The following TXLNB variants were observed in gnomAD, a reference collection of about 807,000 sequenced individuals.
The protein encoded by TXLNB is beta-taxilin.
TXLNB carries 37 observed loss-of-function variants against 57.4 expected under a neutral mutation model. That is an observed-to-expected ratio of 0.64 (90% CI 0.50 to 0.85). TXLNB has a LOEUF of 0.85. Ranked by LOEUF, TXLNB falls within the 40% of genes least tolerant of loss-of-function variation. The pLI is 0.00. For synonymous variants in TXLNB, 302 were observed against 309.6 expected, an observed-to-expected ratio of 0.98 and a Z score of 0.26; for missense variants, 848 against 825.6, an observed-to-expected ratio of 1.03 and a Z score of -0.33.
the TXLNB span, among the ~76,000 whole-genome samples, chr6:139,181,810 T>G: frequency 6.6e-6 from 1 of 152,212 alleles, no homozygotes; most frequent in Non-Finnish European, 1.5e-5. Context: ...CTTTCTCCCT[T>G]ATGCTTTATA....
At chr6:139,197,786 C>T in the TXLNB span, 4 of 152,188 alleles carry the variant, frequency 2.6e-5, no homozygotes, top group East Asian at 1.9e-4. Context: ...CCAGCAAGTT[C>T]GGTGTCTGCT....
the TXLNB span, among the ~76,000 whole-genome samples, chr6:139,321,150 G>A: frequency 3.3e-5 from 5 of 152,200 alleles, no homozygotes; most frequent in Non-Finnish European, 7.3e-5. Flanking sequence ...GTGCCCCGGG[G>A]TTCCGTCACT....
At chr6:139,213,282 G>A in the TXLNB span, among the ~76,000 whole-genome samples, 5,436 of 152,020 alleles carry the variant, frequency 0.036, 270 homozygotes, top group African/African-American at 0.11. Flanking sequence ...ACGGTCTCTC[G>A]GACCACAGTG....
At chr6:139,203,504 C>A in the TXLNB span, 1 of 152,230 alleles carries the variant, frequency 6.6e-6, no homozygotes, top group African/African-American at 2.4e-5. Flanking sequence ...GCTGCCTACT[C>A]CCTTTTTCTT....
At chr6:139,298,080 A>G in the TXLNB span, among the ~76,000 whole-genome samples, 1 of 152,254 alleles carries the variant, frequency 6.6e-6, no homozygotes, top group South Asian at 2.1e-4. Context: ...TTTAATTTGT[A>G]CTAAAAGTGA....
chr6:139,261,236 A>T (rs1053720365), intron 5 of TXLNB, among the ~76,000 whole-genome samples: 1 of 152,160 alleles, frequency 6.6e-6, no homozygotes, highest in Non-Finnish European at 1.5e-5. Flanking sequence ...CCCATCTGAG[A>T]TCTCTCTGAA....
chr6:139,209,252 A>G, the TXLNB span, among the ~76,000 whole-genome samples: 2 of 152,174 alleles, frequency 1.3e-5, no homozygotes, highest in African/African-American at 4.8e-5. Flanking sequence ...AGGAGGTGAA[A>G]GATCTCTACA....
intron 7 of TXLNB, among the ~76,000 whole-genome samples, chr6:139,252,718 G>A (rs1008135469): frequency 7.2e-5 from 11 of 152,320 alleles, no homozygotes; most frequent in African/African-American, 1.9e-4. Flanking sequence ...TGGGCCGGGC[G>A]CAGTGGCTCA....
the TXLNB span, among the ~76,000 whole-genome samples, chr6:139,321,220 AC>A: frequency 3.3e-5 from 5 of 152,132 alleles, no homozygotes; most frequent in African/African-American, 1.2e-4. Context: ...TGTAATTCTA[AC>A]CCCCAAGATG....
the TXLNB span, among the ~76,000 whole-genome samples, chr6:139,221,600 C>G: frequency 6.6e-6 from 1 of 151,896 alleles, no homozygotes; most frequent in Non-Finnish European, 1.5e-5. Flanking sequence ...TTGCAATGAT[C>G]GGACGTGGAG....
rs565532980 is a variant in TXLNB at position 139,280,676 on chromosome 6, A to T, written c.425-3755T>A. ...AAAAGTATGCCTTTTCTCTTCCAAA[A>T]TTTTTTTTTTAGAACTTTGGGGTTA... On this transcript the variant is annotated intron_variant, in intron 2 of 9. Coordinates refer to ENST00000358430, the MANE Select transcript of TXLNB (RefSeq NM_153235.4). Among the ~76,000 whole-genome samples the T allele has an allele frequency of 4.6e-5, 7 of 150,830 alleles. No individual in the cohort carries two copies. In the South Asian group the frequency reaches 1.5e-3, roughly 32 times the overall value.
chr6:139,315,319 T>TC, the TXLNB span, among the ~76,000 whole-genome samples: 3 of 152,138 alleles, frequency 2.0e-5, no homozygotes, highest in African/African-American at 7.2e-5. Context: ...AACTCCAGTC[T>TC]CCCCCACAGC....
At chr6:139,282,938 G>A (rs1477082514) in intron 2 of TXLNB, among the ~76,000 whole-genome samples, 1 of 145,282 alleles carries the variant, frequency 6.9e-6, no homozygotes, top group Non-Finnish European at 1.5e-5. Flanking sequence ...CCCTGTGAAT[G>A]AGCTTTGTTT....
chr6:139,162,202 GC>G, the TXLNB span, among the ~76,000 whole-genome samples: 4 of 152,088 alleles, frequency 2.6e-5, no homozygotes, highest in African/African-American at 9.7e-5. Context: ...TAAGATTGGG[GC>G]CAGACCATCA....
At chr6:139,251,278 C>A (rs1358277434) in intron 7 of TXLNB, among the ~76,000 whole-genome samples, 1 of 152,194 alleles carries the variant, frequency 6.6e-6, no homozygotes, top group Non-Finnish European at 1.5e-5. Context: ...TGCAACCAAT[C>A]TCTGGAACTT....
the TXLNB span, among the ~76,000 whole-genome samples, chr6:139,212,828 C>G: frequency 6.6e-6 from 1 of 152,154 alleles, no homozygotes; most frequent in Non-Finnish European, 1.5e-5. Flanking sequence ...GGGTTGCAAT[C>G]CTAGTCTCTG....
Position 139,242,748 on chromosome 6 carries a change from G to C in TXLNB, c.1833C>G (p.Ser611=). The C allele has an allele frequency of 1.9e-6, 3 of 1,614,022 alleles. No homozygotes were observed. The highest frequency in any genetic ancestry group is 2.5e-6 in the Non-Finnish European group (3 of 1,179,980). ...QASWKPEAEA[S]GQAPQAPTEA... ...CGGTGGGAGCCTGTGGGGCCTGACCGGAAGCTTCTGCCTCTGGCTTCCAGG... is the reference window on the plus strand; with the variant it reads ...CGGTGGGAGCCTGTGGGGCCTGACCCGAAGCTTCTGCCTCTGGCTTCCAGG... Residue 611 remains serine (S), a synonymous_variant, in exon 10 of 10, where the codon TCC becomes TCG. Transcript: ENST00000358430.
At chr6:139,229,465 C>T in the TXLNB span, among the ~76,000 whole-genome samples, 2 of 152,140 alleles carry the variant, frequency 1.3e-5, no homozygotes, top group East Asian at 3.9e-4. Context: ...TAGAATTACA[C>T]GTGCCTGCCA....
the TXLNB span, chr6:139,166,382 C>T: frequency 6.2e-7 from 1 of 1,614,210 alleles, no homozygotes; most frequent in Non-Finnish European, 8.5e-7. Flanking sequence ...CGAGCACTGC[C>T]CCTGCAGCAC....
Sources: gnomAD v4.1 joint callset for allele counts (sites outside exome capture counted in the v4.1 genomes callset) on GRCh38, gnomAD v4.1.1 for gene constraint, MANE v1.5 for transcripts, NCBI Gene and HGNC (gene_info 2026-07-23, HGNC 2026-07-21) for gene names.